CHST11: variants seen among roughly 807,000 people sequenced by gnomAD.
CHST11 encodes carbohydrate sulfotransferase 11, also known as C4S-1.
In CHST11, 9 loss-of-function variants were observed where a neutral mutation model predicts 30.4. The observed-to-expected ratio is 0.30, with a 90% CI of 0.18 to 0.52. The LOEUF is 0.52. Among genes scored for constraint, CHST11 ranks in the 20% least tolerant of loss-of-function variants. CHST11 has a pLI of 0.97. For synonymous variants in CHST11, 152 were observed against 187.8 expected, an observed-to-expected ratio of 0.81 and a Z score of 1.56; for missense variants, 348 against 460.6, an observed-to-expected ratio of 0.76 and a Z score of 2.24.
chr12:104,485,694 C>T (rs571420538), intron 1 of CHST11, among the ~76,000 whole-genome samples: 12 of 152,146 alleles, frequency 7.9e-5, no homozygotes, highest in African/African-American at 2.6e-4. Flanking sequence ...AGGAATTGGT[C>T]GTGGGGAGCC....
chr12:104,698,625 C>T (rs2039968137), intron 2 of CHST11, among the ~76,000 whole-genome samples: 1 of 152,194 alleles, frequency 6.6e-6, no homozygotes, highest in South Asian at 2.1e-4. Flanking sequence ...TCCTGACCTT[C>T]CTTCCTGCAC....
chr12:104,589,221 G>T (rs527538854), intron 1 of CHST11, among the ~76,000 whole-genome samples: 3 of 151,780 alleles, frequency 2.0e-5, no homozygotes, highest in Non-Finnish European at 4.4e-5. Context: ...GCAACATGGC[G>T]AAACCCATCT....
intron 2 of CHST11, among the ~76,000 whole-genome samples, chr12:104,658,553 C>T (rs2136086481): frequency 6.6e-6 from 1 of 152,304 alleles, no homozygotes; most frequent in East Asian, 1.9e-4. Context: ...ACAGTTAATT[C>T]ATGACAGCGT....
intron 1 of CHST11, among the ~76,000 whole-genome samples, chr12:104,534,265 C>T (rs1292760047): frequency 6.6e-6 from 1 of 152,140 alleles, no homozygotes; most frequent in Non-Finnish European, 1.5e-5. Context: ...GAATGAATAT[C>T]AAGGACTCTA....
intron 2 of CHST11, among the ~76,000 whole-genome samples, chr12:104,753,460 A>G (rs1474459): frequency 0.66 from 99,685 of 152,102 alleles, 32,922 homozygotes; most frequent in Middle Eastern, 0.77. Flanking sequence ...GGAAAATTAG[A>G]AAATTCTGCA....
chr12:104,597,827 A>T (rs2038921486), intron 1 of CHST11, among the ~76,000 whole-genome samples: 1 of 152,216 alleles, frequency 6.6e-6, no homozygotes, highest in Admixed American at 6.5e-5. Flanking sequence ...ACCAGGTCTC[A>T]GGCCAGGAGG....
In CHST11 at chr12:104,732,720, C is replaced by T. The variant is rs78070836; in HGVS notation, c.205-24229C>T. 3.1e-4 allele frequency among the ~76,000 whole-genome samples: 47 copies of T among 152,246 alleles called. 1 individual carries two copies. In the East Asian group the frequency reaches 7.3e-3, roughly 24 times the overall value. On this transcript the variant is annotated intron_variant, in intron 2 of 2. Coordinates refer to ENST00000303694, the MANE Select transcript of CHST11 (RefSeq NM_018413.6). ...GGTATCCGATTGGTGTTGCTGTCAC[C>T]GGGGCATTTGCCACACCCAGGTGCT...
chr12:104,757,769 A>G lies in CHST11; in HGVS notation c.1025A>G (p.Asn342Ser). ...TACAAACTCGATTTTTTAATGTTCA[A>G]TTACTCAGTGCCAAGCTACCTGAAA... ...EVYKLDFLMF[N>S]YSVPSYLKLE The change falls in exon 3 of 3, where the codon AAT (asparagine) becomes AGT (serine). Residue 342 changes from asparagine to serine, a missense_variant. Asn to Ser is a conservative substitution (Grantham distance 46). This residue lies in a region of CHST11 where 210 missense variants were observed against 287.2 expected (regional missense o/e 0.73). Coordinates refer to ENST00000303694, the MANE Select transcript of CHST11 (RefSeq NM_018413.6). The surrounding 1 kb of genome is among the most constrained non-coding windows in gnomAD (Gnocchi z 6.5). 1.2e-6 allele frequency: 2 copies of G among 1,614,152 alleles called. No homozygotes were observed. Among genetic ancestry groups the G allele is most frequent in the Non-Finnish European group, 8.5e-7 (1 of 1,179,988 alleles).
rs77677857 is a variant in CHST11, at chr12:104,489,769, C to A, written c.118+32240C>A. ...TGAGCCACTGCGCCCGGCCAGAATACCCTATCCTTAAACATGAATTTAGGG... is the reference window on the plus strand; with the variant it reads ...TGAGCCACTGCGCCCGGCCAGAATAACCTATCCTTAAACATGAATTTAGGG... On this transcript the variant is annotated intron_variant, in intron 1 of 2. Transcript: ENST00000303694. 0.013 allele frequency among the ~76,000 whole-genome samples: 1,929 copies of A among 152,276 alleles called. 75 individuals are homozygous for A. In the East Asian group the frequency reaches 0.17, roughly 13 times the overall value.
intron 1 of CHST11, among the ~76,000 whole-genome samples, chr12:104,459,716 C>G (rs1039565257): frequency 3.3e-5 from 5 of 152,160 alleles, no homozygotes; most frequent in Admixed American, 3.3e-4. Flanking sequence ...GGCAGAGAAC[C>G]TTTTCTAAGC....
At chr12:104,713,455 A>G (rs185131383) in intron 2 of CHST11, among the ~76,000 whole-genome samples, 4 of 152,274 alleles carry the variant, frequency 2.6e-5, no homozygotes, top group South Asian at 2.1e-4. Context: ...TGTACCTGCA[A>G]AATCCAGGTG....
At chr12:104,612,304 G>T (rs577955908) in intron 2 of CHST11, among the ~76,000 whole-genome samples, 2 of 152,270 alleles carry the variant, frequency 1.3e-5, no homozygotes, top group Admixed American at 1.3e-4. Context: ...GGGCCGTGAA[G>T]AAGGGCCTGT....
intron 2 of CHST11, among the ~76,000 whole-genome samples, chr12:104,728,105 C>T (rs1011198111): frequency 6.6e-6 from 1 of 152,182 alleles, no homozygotes; most frequent in African/African-American, 2.4e-5. Context: ...TGCAATTTCT[C>T]ATTCTCTACA....
intron 1 of CHST11, among the ~76,000 whole-genome samples, chr12:104,595,745 A>G (rs150585509): frequency 6.6e-6 from 1 of 152,248 alleles, no homozygotes; most frequent in Non-Finnish European, 1.5e-5. Flanking sequence ...CATTCCCACT[A>G]CCACCTTATA....
chr12:104,698,629 C>T (rs1005560319), intron 2 of CHST11, among the ~76,000 whole-genome samples: 4 of 152,186 alleles, frequency 2.6e-5, no homozygotes, highest in South Asian at 2.1e-4. Flanking sequence ...GACCTTCCTT[C>T]CTGCACTTAC....
chr12:104,593,781 G>A (rs2038883362), intron 1 of CHST11, among the ~76,000 whole-genome samples: 1 of 152,182 alleles, frequency 6.6e-6, no homozygotes, highest in African/African-American at 2.4e-5. Flanking sequence ...CTCCTGGCTG[G>A]TGGTAAGTAA....
chr12:104,752,532 ATT>A (rs1356210797), intron 2 of CHST11, among the ~76,000 whole-genome samples: 17 of 150,694 alleles, frequency 1.1e-4, no homozygotes, highest in Non-Finnish European at 7.4e-5. Context: ...TTATTTATTT[ATT>A]TATGTATTTT....
chr12:104,736,938 G>A (rs1056061607), intron 2 of CHST11, among the ~76,000 whole-genome samples: 1 of 152,186 alleles, frequency 6.6e-6, no homozygotes, highest in African/African-American at 2.4e-5. Flanking sequence ...AACCAAGTGT[G>A]GCTTCAGGGC....
At chr12:104,527,818 A>G (rs552364230) in intron 1 of CHST11, among the ~76,000 whole-genome samples, 14 of 152,198 alleles carry the variant, frequency 9.2e-5, no homozygotes, top group Non-Finnish European at 1.6e-4. Context: ...CATGGCTGGG[A>G]GAGCTCAGGA....
Sources: gnomAD v4.1 joint callset for allele counts (sites outside exome capture counted in the v4.1 genomes callset) on GRCh38, gnomAD v4.1.1 for gene constraint, gnomAD v4.1.1 regional missense constraint, Gnocchi (gnomAD v3.1) non-coding constraint, MANE v1.5 for transcripts, NCBI Gene and HGNC (gene_info 2026-07-23, HGNC 2026-07-21) for gene names.